RPL37: variants seen among roughly 807,000 people sequenced by gnomAD.
RPL37 encodes large ribosomal subunit protein eL37.
RPL37 carries 1 observed loss-of-function variant against 14.8 expected under a neutral mutation model. That is an observed-to-expected ratio of 0.07 (90% CI 0.02 to 0.32). The LOEUF (loss-of-function observed/expected upper bound fraction) is 0.32, where lower values mean the gene tolerates loss of function less well. Among genes scored for constraint, RPL37 ranks in the 10% least tolerant of loss-of-function variants. The probability of loss-of-function intolerance (pLI) is 1.00; values close to 1 mark genes in which losing one functional copy is unlikely to be tolerated. For missense variants in RPL37, 100 were observed against 128.3 expected (o/e 0.78, Z 1.06); for synonymous variants, 53 against 45.8 (o/e 1.16, Z -0.63).
At chr5:40,832,846 G>T (rs1745672724) in intron 3 of RPL37, 2 of 456,102 alleles carry the variant, frequency 4.4e-6, no homozygotes, top group East Asian at 8.9e-5. Context: ...CAGTATGTTT[G>T]TTCATATTTG....
rs1296558971 is a variant in RPL37, at chr5:40,830,115, G to C, written c.*2389C>G. 2 of 152,176 alleles carry C rather than the reference G, an allele frequency of 1.3e-5. No homozygotes were observed. The highest frequency in any genetic ancestry group is 2.9e-5 in the Non-Finnish European group (2 of 68,032). 9.4% of individuals were successfully genotyped at this position (152,176 alleles called of 1,614,324 possible). A position where few individuals can be genotyped will look rare whatever the true frequency, so the allele number is the denominator to read the frequency against. On this transcript the variant is annotated 3_prime_UTR_variant, in exon 4 of 4. Coordinates refer to ENST00000274242, the MANE Select transcript of RPL37 (RefSeq NM_000997.5). ...AGATGGGAGGGAAGTAGGGGCTGGA[G>C]GGAGGCTTTTCAGGCAGAGGACAGA...
rs1187844757 is a variant in RPL37 at position 40,831,163 on chromosome 5, T to C, written c.*1341A>G. 6.6e-6 allele frequency: 1 copy of C among 152,412 alleles called. No individual in the cohort carries two copies. Among genetic ancestry groups the C allele is most frequent in the East Asian group, 1.9e-4 (1 of 5,214 alleles). 9.4% of individuals were successfully genotyped at this position (152,412 alleles called of 1,614,324 possible). A position where few individuals can be genotyped will look rare whatever the true frequency, so the allele number is the denominator to read the frequency against. On this transcript the variant is annotated 3_prime_UTR_variant, in exon 4 of 4. Coordinates refer to ENST00000274242, the MANE Select transcript of RPL37 (RefSeq NM_000997.5). Reference sequence around the variant, plus strand: ...AGCCAGGTGTGGTGGTGTGCATCTGTAGTCCCAGCTACTCAGAAGGCTGAG... The same window carrying C: ...AGCCAGGTGTGGTGGTGTGCATCTGCAGTCCCAGCTACTCAGAAGGCTGAG...
At chr5:40,834,745 G>T (rs1305649788) in intron 1 of RPL37, 139 bp from the exon 2 acceptor site, 1 of 984,770 alleles carries the variant, frequency 1.0e-6, no homozygotes, top group Non-Finnish European at 1.5e-6. Flanking sequence ...TTCCACGAAT[G>T]CCAAGTCAGA....
At position 40,826,760 on chromosome 5, in the gene RPL37, C is replaced by T. The variant is rs1745526950; in HGVS notation, c.*5744G>A. On this transcript the variant is annotated 3_prime_UTR_variant, in exon 4 of 4. Transcript: ENST00000274242. ...GGTAAAGAAAACCTCAGGACTGAGG[C>T]TGGATACTAAGGGTTAGGAAAGAAT... is the stretch of plus-strand genomic sequence containing the variant. 6.6e-6 allele frequency: 1 copy of T among 152,166 alleles called. No homozygotes were observed. The highest frequency in any genetic ancestry group is 6.6e-5 in the Admixed American group (1 of 15,262). The allele number at this position is 152,166 out of a possible 1,614,324, so 9.4% of individuals were successfully genotyped here.
At chr5:40,834,037 C>A in intron 3 of RPL37, 144 bp downstream of exon 3, 2 of 654,628 alleles carry the variant, frequency 3.1e-6, no homozygotes, top group South Asian at 3.6e-5. Flanking sequence ...ATAGTGAAAC[C>A]CTGCCTCAAA....
At chr5:40,832,928 C>G (rs539922565) in intron 3 of RPL37, among the ~76,000 whole-genome samples, 114 of 152,238 alleles carry the variant, frequency 7.5e-4, no homozygotes, top group Middle Eastern at 3.4e-3. Context: ...TTTCACTAAG[C>G]AAGGAAAAAA....
rs1216596252 is a variant in RPL37 at position 40,830,361 on chromosome 5, C to A, written c.*2143G>T. ...GTGGCTCGTCCCTGTAATCCCAGCA[C>A]TTTGGGAGGCCAAGATGAGAGGATC... On this transcript the variant is annotated 3_prime_UTR_variant, in exon 4 of 4. Transcript: ENST00000274242. The A allele has an allele frequency of 6.6e-6, 1 of 152,162 alleles. No homozygotes were observed. Among genetic ancestry groups the A allele is most frequent in the Non-Finnish European group, 1.5e-5 (1 of 68,044 alleles). The allele number at this position is 152,162 out of a possible 1,614,324, so 9.4% of individuals were successfully genotyped here. A position where few individuals can be genotyped will look rare whatever the true frequency, so the allele number is the denominator to read the frequency against.
chr5:40,833,545 A>G (rs780150277), intron 3 of RPL37, among the ~76,000 whole-genome samples: 25 of 152,206 alleles, frequency 1.6e-4, no homozygotes, highest in African/African-American at 5.8e-4. Flanking sequence ...CAAGAGCCCA[A>G]GGCAACAGCA....
In RPL37 at chr5:40,829,676, T is replaced by TATACATAC. The variant is rs60403701; in HGVS notation, c.*2827_*2828insGTATGTAT. The TATACATAC allele has an allele frequency of 6.9e-5, 5 of 72,066 alleles. No homozygotes were observed. In the South Asian group the frequency reaches 4.7e-3, roughly 68 times the overall value. 4.5% of individuals were successfully genotyped at this position (72,066 alleles called of 1,614,324 possible). A position where few individuals can be genotyped will look rare whatever the true frequency, so the allele number is the denominator to read the frequency against. On this transcript the variant is annotated 3_prime_UTR_variant, in exon 4 of 4. Coordinates refer to ENST00000274242, the MANE Select transcript of RPL37 (RefSeq NM_000997.5). Reference sequence around the variant, plus strand: ...ATCCATCATAGTGTGTGTGTGTGTGTGTATATATATATATATATATATCAA... The same window carrying TATACATAC: ...ATCCATCATAGTGTGTGTGTGTGTGTATACATACGTATATATATATATATATATATCAA...
chr5:40,834,029 A>AGT (rs1745704763), intron 3 of RPL37, 152 bp downstream of exon 3: 1 of 636,714 alleles, frequency 1.6e-6, no homozygotes, highest in Admixed American at 2.6e-5. Flanking sequence ...TGGGCAACAT[A>AGT]GTGAAACCCT....
Position 40,825,908 on chromosome 5 carries a change from G to A in RPL37, c.*6596C>T, listed in dbSNP as rs1041786262. On this transcript the variant is annotated 3_prime_UTR_variant, in exon 4 of 4. Transcript: ENST00000274242. ...TTTAGTGGAGACGGGGTTTCGCCATGTTGGCCAGGCTGGTCTCAAACTCCT... is the reference window on the plus strand; with the variant it reads ...TTTAGTGGAGACGGGGTTTCGCCATATTGGCCAGGCTGGTCTCAAACTCCT... The A allele has an allele frequency of 2.0e-5, 3 of 152,174 alleles. No homozygotes were observed. The highest frequency in any genetic ancestry group is 7.2e-5 in the African/African-American group (3 of 41,386). The allele number at this position is 152,174 out of a possible 1,614,324, so 9.4% of individuals were successfully genotyped here. A position where few individuals can be genotyped will look rare whatever the true frequency, so the allele number is the denominator to read the frequency against.
At position 40,826,195 on chromosome 5, in the gene RPL37, A is replaced by G. The variant is rs1028401976; in HGVS notation, c.*6309T>C. The G allele has an allele frequency of 1.3e-5, 2 of 152,206 alleles. No individual in the cohort carries two copies. The highest frequency in any genetic ancestry group is 2.4e-5 in the African/African-American group (1 of 41,448). 9.4% of individuals were successfully genotyped at this position (152,206 alleles called of 1,614,324 possible). On this transcript the variant is annotated 3_prime_UTR_variant, in exon 4 of 4. Coordinates refer to ENST00000274242, the MANE Select transcript of RPL37 (RefSeq NM_000997.5). Reference sequence around the variant, plus strand: ...TTAAGGCAAAGAAAATACTTTTTACATTTGCTAGATGTTTATTTGCAGAGC... The same window carrying G: ...TTAAGGCAAAGAAAATACTTTTTACGTTTGCTAGATGTTTATTTGCAGAGC...
rs532398080 is a variant in RPL37 at position 40,826,081 on chromosome 5, T to C, written c.*6423A>G. 6.6e-6 allele frequency: 1 copy of C among 152,326 alleles called. No homozygotes were observed. The highest frequency in any genetic ancestry group is 6.5e-5 in the Admixed American group (1 of 15,296). 9.4% of individuals were successfully genotyped at this position (152,326 alleles called of 1,614,324 possible). On this transcript the variant is annotated 3_prime_UTR_variant, in exon 4 of 4. Coordinates refer to ENST00000274242, the MANE Select transcript of RPL37 (RefSeq NM_000997.5). ...CTTTCTCCTGTACTGTTTTACCAGTTGTCTTTTTAAAAAATAACTTTCCTC... is the reference window on the plus strand; with the variant it reads ...CTTTCTCCTGTACTGTTTTACCAGTCGTCTTTTTAAAAAATAACTTTCCTC...
chr5:40,833,324 A>G (rs2112157257), intron 3 of RPL37, among the ~76,000 whole-genome samples: 1 of 152,326 alleles, frequency 6.6e-6, no homozygotes, highest in Admixed American at 6.5e-5. Context: ...ATCCAGCCCA[A>G]AGTATCAATA....
intron 3 of RPL37, 24 bp from the exon 4 acceptor site, chr5:40,832,597 C>T (rs368730871): frequency 7.4e-5 from 118 of 1,594,008 alleles, no homozygotes; most frequent in Admixed American, 2.0e-4. Context: ...AAAACAAGAA[C>T]AAGTTACTTC....
chr5:40,831,730 A>C lies in RPL37; in HGVS notation c.*774T>G, dbSNP rs1745643821. On this transcript the variant is annotated 3_prime_UTR_variant, in exon 4 of 4. Transcript: ENST00000274242. ...CGAAAACTAGGAAGGCACGACAGCA[A>C]GTTTCAGTGCTTTAACACAGAAACA... 1 of 152,334 alleles carries C rather than the reference A, an allele frequency of 6.6e-6. No homozygotes were observed. The highest frequency in any genetic ancestry group is 2.4e-5 in the African/African-American group (1 of 41,446). 9.4% of individuals were successfully genotyped at this position (152,334 alleles called of 1,614,324 possible).
In RPL37 at chr5:40,834,480, T is replaced by G. The variant is rs766983952; in HGVS notation, c.130A>C (p.Lys44Gln). The G allele has an allele frequency of 1.9e-5, 30 of 1,612,972 alleles. No homozygotes were observed. The highest frequency in any genetic ancestry group is 2.5e-5 in the Non-Finnish European group (30 of 1,179,784). ...CGKCGYPAKR[K>Q]RKYNWSAKAK... Reference sequence around the variant, plus strand: ...GAAAAATGTTACTTACACTTTCTCTTGCGCTTGGCAGGGTAGCCACATTTG... The same window carrying G: ...GAAAAATGTTACTTACACTTTCTCTGGCGCTTGGCAGGGTAGCCACATTTG... Residue 44 changes from lysine to glutamine, a missense_variant, in exon 2 of 4, where the codon AAG (lysine) becomes CAG (glutamine). This residue lies in a region of RPL37 where 74 missense variants were observed against 69.9 expected (regional missense o/e 1.06). Transcript: ENST00000274242.
At chr5:40,834,742 A>G (rs1346169300) in intron 1 of RPL37, 136 bp from the exon 2 acceptor site, 1 of 1,009,368 alleles carries the variant, frequency 9.9e-7, no homozygotes, top group African/African-American at 1.6e-5. Flanking sequence ...TCTTTCCACG[A>G]ATGCCAAGTC....
Position 40,833,954 on chromosome 5 carries a change from A to T in RPL37, c.224+227T>A, listed in dbSNP as rs1745700055. Reference sequence around the variant, plus strand: ...CCCGGGTACTCGGGCGGCTGAGATGAGATTACCTGAGGCTGGGGAGACTGA... The same window carrying T: ...CCCGGGTACTCGGGCGGCTGAGATGTGATTACCTGAGGCTGGGGAGACTGA... On this transcript the variant is annotated intron_variant, in intron 3 of 3. Transcript: ENST00000274242. 3 of 529,010 alleles carry T rather than the reference A, an allele frequency of 5.7e-6. No homozygotes were observed. In the South Asian group the frequency reaches 6.5e-5, roughly 11 times the overall value. The allele number at this position is 529,010 out of a possible 1,614,324, so 32.8% of individuals were successfully genotyped here.
Sources: gnomAD v4.1 joint callset for allele counts (sites outside exome capture counted in the v4.1 genomes callset) on GRCh38, gnomAD v4.1.1 for gene constraint, gnomAD v4.1.1 regional missense constraint, MANE v1.5 for transcripts, NCBI Gene and HGNC (gene_info 2026-07-23, HGNC 2026-07-21) for gene names.